Variants in GRID2 observed in about 807,000 individuals in gnomAD.
The protein encoded by GRID2 is glutamate ionotropic receptor delta type subunit 2, also known as glutamate receptor ionotropic, delta-2.
In GRID2, 33 loss-of-function variants were observed where a neutral mutation model predicts 114.8. The ratio of observed to expected loss-of-function variants is 0.29; its 90% CI spans 0.22 to 0.38. GRID2 has a LOEUF of 0.38. Among genes scored for constraint, GRID2 ranks in the 10% least tolerant of loss-of-function variants. The pLI, the probability that GRID2 is intolerant of heterozygous loss-of-function variation, is 1.00. For missense variants in GRID2, 1,184 were observed against 1,257.7 expected, an observed-to-expected ratio of 0.94 and a Z score of 0.89; for synonymous variants, 505 against 449.9, an observed-to-expected ratio of 1.12 and a Z score of -1.55.
chr4:92,335,761 T>C (rs1294376714), intron 1 of GRID2, among the ~76,000 whole-genome samples: 1 of 152,188 alleles, frequency 6.6e-6, no homozygotes, highest in African/African-American at 2.4e-5. Context: ...TAGACTTGAA[T>C]GGTAATAAAA....
At chr4:93,304,292 T>C (rs1360722012) in intron 8 of GRID2, among the ~76,000 whole-genome samples, 1 of 149,304 alleles carries the variant, frequency 6.7e-6, no homozygotes, top group Admixed American at 6.7e-5. Context: ...GAGAACCCAC[T>C]GTTATCTATG....
chr4:93,122,890 G>GTTTTTTTTGT (rs1733915033), intron 4 of GRID2, among the ~76,000 whole-genome samples: 16 of 69,772 alleles, frequency 2.3e-4, no homozygotes, highest in African/African-American at 6.8e-4. Flanking sequence ...ACAGATGTGG[G>GTTTTTTTTGT]TTTTTTTTTT....
chr4:93,741,187 ATATATATATATATG>A (rs1179025860), intron 14 of GRID2, among the ~76,000 whole-genome samples: 1,091 of 32,648 alleles, frequency 0.033, 91 homozygotes, highest in African/African-American at 0.069. Flanking sequence ...ATATATATAT[ATATATATATATATG>A]TATATATATA....
chr4:92,583,753 T>C (rs1218560768), intron 1 of GRID2, among the ~76,000 whole-genome samples: 2 of 150,134 alleles, frequency 1.3e-5, no homozygotes, highest in African/African-American at 4.9e-5. Flanking sequence ...CATACACACA[T>C]ATGTACATTC....
chr4:92,575,189 G>A (rs1306921301), intron 1 of GRID2, among the ~76,000 whole-genome samples: 2 of 152,252 alleles, frequency 1.3e-5, no homozygotes, highest in Non-Finnish European at 2.9e-5. Flanking sequence ...CTACATTGTG[G>A]CTATTTTGCC....
intron 1 of GRID2, among the ~76,000 whole-genome samples, chr4:92,531,981 G>A (rs1386317621): frequency 6.6e-6 from 1 of 152,046 alleles, no homozygotes; most frequent in Non-Finnish European, 1.5e-5. Flanking sequence ...TAGGAACACA[G>A]GATTTTATAA....
intron 2 of GRID2, among the ~76,000 whole-genome samples, chr4:92,789,784 G>A (rs1739491715): frequency 6.6e-6 from 1 of 151,746 alleles, no homozygotes; most frequent in African/African-American, 2.4e-5. Flanking sequence ...TTTCTCTGCT[G>A]GTTATCACAC....
At chr4:92,627,001 T>C (rs2149243230) in intron 2 of GRID2, among the ~76,000 whole-genome samples, 1 of 152,026 alleles carries the variant, frequency 6.6e-6, no homozygotes, top group South Asian at 2.1e-4. Flanking sequence ...ATAGGAAATA[T>C]AATAACTAAG....
intron 2 of GRID2, among the ~76,000 whole-genome samples, chr4:92,633,753 T>C (rs926881156): frequency 6.6e-6 from 1 of 152,168 alleles, no homozygotes; most frequent in African/African-American, 2.4e-5. Context: ...ATAATGGCCA[T>C]ATTTGTTAAA....
intron 12 of GRID2, among the ~76,000 whole-genome samples, chr4:93,492,123 C>T (rs1157870932): frequency 2.0e-5 from 3 of 151,704 alleles, no homozygotes; most frequent in Non-Finnish European, 2.9e-5. Context: ...CTGGTGACCC[C>T]ATAAGCATCA....
intron 8 of GRID2, among the ~76,000 whole-genome samples, chr4:93,305,835 T>C (rs185009060): frequency 1.4e-3 from 214 of 151,142 alleles, no homozygotes; most frequent in Admixed American, 4.1e-3. Context: ...TTGTCTGCCT[T>C]GGACATAATA....
chr4:93,354,380 CAG>C, intron 8 of GRID2, among the ~76,000 whole-genome samples: 1 of 151,998 alleles, frequency 6.6e-6, no homozygotes, highest in East Asian at 1.9e-4. Flanking sequence ...GATTATGTCA[CAG>C]AAGCTAAGAA....
intron 1 of GRID2, among the ~76,000 whole-genome samples, chr4:92,462,470 G>A (rs1243709059): frequency 3.3e-5 from 5 of 151,850 alleles, no homozygotes; most frequent in African/African-American, 1.2e-4. Context: ...TTTGCTGGAA[G>A]CAAAAATATA....
intron 1 of GRID2, among the ~76,000 whole-genome samples, chr4:92,578,039 A>T (rs979723912): frequency 7.5e-6 from 1 of 132,534 alleles, no homozygotes; most frequent in Non-Finnish European, 1.7e-5. Flanking sequence ...TCTGAAACTT[A>T]GTTTCTTCTT....
intron 14 of GRID2, among the ~76,000 whole-genome samples, chr4:93,741,215 A>ATATATT (rs1731390943): frequency 7.5e-6 from 1 of 132,788 alleles, no homozygotes; most frequent in Non-Finnish European, 1.6e-5. Flanking sequence ...ATATATATAT[A>ATATATT]TTCTCAGACT....
intron 4 of GRID2, among the ~76,000 whole-genome samples, chr4:93,194,581 C>T (rs182778863): frequency 6.6e-6 from 1 of 152,198 alleles, no homozygotes; most frequent in East Asian, 1.9e-4. Context: ...AGTCTGAAAG[C>T]TCATTTAGAA....
At chr4:93,112,829 G>A (rs74973178) in intron 4 of GRID2, among the ~76,000 whole-genome samples, 7,573 of 152,132 alleles carry the variant, frequency 0.05, 276 homozygotes, top group East Asian at 0.15. Context: ...TTTTTCCAAT[G>A]TCTATTCACA....
chr4:92,578,255 C>T (rs1265240369), intron 1 of GRID2, among the ~76,000 whole-genome samples: 1 of 135,054 alleles, frequency 7.4e-6, no homozygotes, highest in East Asian at 2.4e-4. Flanking sequence ...TCTCCTAATG[C>T]TATCCCTCCC....
At chr4:93,382,272 C>T (rs1763925185) in intron 8 of GRID2, among the ~76,000 whole-genome samples, 1 of 151,982 alleles carries the variant, frequency 6.6e-6, no homozygotes, top group Non-Finnish European at 1.5e-5. Flanking sequence ...TGTTTATATT[C>T]ATATTCTTTG....
Sources: allele counts gnomAD v4.1 joint callset (sites outside exome capture counted in the v4.1 genomes callset), GRCh38; gene constraint gnomAD v4.1.1; transcripts MANE v1.5; gene names NCBI Gene and HGNC (gene_info 2026-07-23, HGNC 2026-07-21).